SEMA5B: variants seen among roughly 807,000 people sequenced by gnomAD.
SEMA5B encodes the protein semaphorin-5B.
A neutral mutation model predicts 135.0 loss-of-function variants in SEMA5B; 66 were observed. The observed-to-expected ratio is 0.49, with a 90% CI of 0.40 to 0.60. SEMA5B has a LOEUF of 0.60. Among genes scored for constraint, SEMA5B ranks in the 20% least tolerant of loss-of-function variants. The probability of loss-of-function intolerance (pLI) is 0.00; values close to 1 mark genes in which losing one functional copy is unlikely to be tolerated. For synonymous variants in SEMA5B, 690 were observed against 639.5 expected, an observed-to-expected ratio of 1.08 and a Z score of -1.19; for missense variants, 1,501 against 1,566.3, an observed-to-expected ratio of 0.96 and a Z score of 0.70.
Position 122,911,522 on chromosome 3 carries a change from G to A in SEMA5B, c.3060C>T (p.Ala1020=), listed in dbSNP as rs772299751. The part of the protein sequence containing the change: ...PYSEIPVILP[A]SSMEEATDCA... Reference sequence around the variant, plus strand: ...AGTCGGTGGCCTCCTCCATGCTGGAGGCTGGCAGGATGACTGCAGGAAGAC... The same window carrying A: ...AGTCGGTGGCCTCCTCCATGCTGGAAGCTGGCAGGATGACTGCAGGAAGAC... Residue 1020 remains alanine, a synonymous_variant, in exon 21 of 23, where the codon GCC becomes GCT. Transcript: ENST00000357599. 6.0e-5 allele frequency: 97 copies of A among 1,610,344 alleles called. No individual in the cohort carries two copies. In the East Asian group the frequency reaches 1.7e-3, roughly 28 times the overall value.
chr3:122,948,688 G>C lies in SEMA5B; in HGVS notation c.146C>G (p.Pro49Arg), dbSNP rs780593270. 6.2e-7 allele frequency: 1 copy of C among 1,605,772 alleles called. No homozygotes were observed. Among genetic ancestry groups the C allele is most frequent in the South Asian group, 1.1e-5 (1 of 90,436 alleles). The change falls in exon 3 of 23, where the codon CCC becomes CGC. Residue 49 changes from proline to arginine, a missense_variant. Coordinates refer to ENST00000357599, the MANE Select transcript of SEMA5B (RefSeq NM_001031702.4). ...AGGCCCCTCTGCAGTCCTAGCTCCG[G>C]GAGGCAGACAGGGGAGAAGACCTGC... Reference protein sequence around the residue: ...LVRGLLPCLPPGARTAEGPIM... With the variant: ...LVRGLLPCLPRGARTAEGPIM...
At chr3:122,911,372 G>A in intron 21 of SEMA5B, 119 bp downstream of exon 21, 1 of 1,550,980 alleles carries the variant, frequency 6.4e-7, no homozygotes, top group Non-Finnish European at 8.7e-7. Context: ...TCTCAAAGCA[G>A]TGGGGACCCC....
intron 1 of SEMA5B, among the ~76,000 whole-genome samples, chr3:122,997,799 G>A (rs977762325): frequency 2.6e-5 from 4 of 152,036 alleles, no homozygotes; most frequent in East Asian, 1.9e-4. Context: ...GAAGCTCATC[G>A]GCCTGAGGCC....
rs141351636 is a variant in SEMA5B at position 122,915,612 on chromosome 3, C to T, written c.1816G>A (p.Val606Met). 63 of 1,611,652 alleles carry T rather than the reference C, an allele frequency of 3.9e-5. No homozygotes were observed. The African/African-American group carries it at 5.3e-4, about 14-fold the overall frequency. The change falls in exon 14 of 23, where the codon GTG becomes ATG. Residue 606 changes from valine (V) to methionine (M), a missense_variant. By Grantham distance (21) the Val-to-Met change is conservative. Transcript: ENST00000357599. ...GGGCCGAAGCCCCCATCCCGTGTCA[C>T]ATTCCGCACCTGAAGACACACATGG... ...QNITACPVRNVTRDGGFGPWS... is the reference protein window; with the variant it reads ...QNITACPVRNMTRDGGFGPWS...
At chr3:122,932,438 A>C (rs1196059566) in intron 5 of SEMA5B, among the ~76,000 whole-genome samples, 1 of 151,924 alleles carries the variant, frequency 6.6e-6, no homozygotes, top group East Asian at 1.9e-4. Flanking sequence ...TCGGGCTGTG[A>C]GAAACATCCT....
intron 1 of SEMA5B, among the ~76,000 whole-genome samples, chr3:122,982,208 G>A (rs746349928): frequency 6.6e-6 from 1 of 152,220 alleles, no homozygotes. Context: ...TTTCCCATGT[G>A]GAGGATTTCC....
At chr3:123,003,716 G>T (rs1452741197) in intron 1 of SEMA5B, among the ~76,000 whole-genome samples, 1 of 152,128 alleles carries the variant, frequency 6.6e-6, no homozygotes, top group East Asian at 1.9e-4. Flanking sequence ...CGCCTGTAAT[G>T]CCAGCCACTC....
chr3:123,003,099 T>C (rs2107764848), intron 1 of SEMA5B, among the ~76,000 whole-genome samples: 1 of 151,774 alleles, frequency 6.6e-6, no homozygotes, highest in East Asian at 2.0e-4. Context: ...TTCAAGTCAA[T>C]TTAAGTTTTT....
intron 2 of SEMA5B, among the ~76,000 whole-genome samples, chr3:122,960,668 C>T (rs1421307332): frequency 6.6e-6 from 1 of 152,244 alleles, no homozygotes; most frequent in African/African-American, 2.4e-5. Context: ...CTGACACATG[C>T]TACAACATGG....
chr3:122,953,758 AC>A (rs1364571724), intron 2 of SEMA5B, among the ~76,000 whole-genome samples: 5 of 152,168 alleles, frequency 3.3e-5, no homozygotes, highest in African/African-American at 1.2e-4. Context: ...ATGGGGTCTG[AC>A]TTTTCGAGGC....
chr3:122,951,278 A>G (rs1458774832), intron 2 of SEMA5B, among the ~76,000 whole-genome samples: 1 of 152,226 alleles, frequency 6.6e-6, no homozygotes, highest in African/African-American at 2.4e-5. Flanking sequence ...ATGTATTTAT[A>G]TTTGCTTATA....
chr3:122,955,939 G>C (rs1354352488), intron 2 of SEMA5B, among the ~76,000 whole-genome samples: 1 of 152,218 alleles, frequency 6.6e-6, no homozygotes, highest in Non-Finnish European at 1.5e-5. Context: ...GGAGGAGGGA[G>C]GTTCACAAGA....
intron 1 of SEMA5B, among the ~76,000 whole-genome samples, chr3:123,004,483 T>C (rs1409328323): frequency 6.6e-6 from 1 of 152,240 alleles, no homozygotes; most frequent in Non-Finnish European, 1.5e-5. Flanking sequence ...ACATTTATGC[T>C]TGCATTACTC....
chr3:122,929,429 T>G (rs1413159721), intron 5 of SEMA5B, among the ~76,000 whole-genome samples: 3 of 152,212 alleles, frequency 2.0e-5, no homozygotes, highest in Non-Finnish European at 4.4e-5. Context: ...GGGTGGGGAA[T>G]GCGCCTATTC....
At chr3:122,927,688 C>T in intron 8 of SEMA5B, 102 bp downstream of exon 8, 1 of 852,172 alleles carries the variant, frequency 1.2e-6, no homozygotes. Context: ...AGTGGGAGCA[C>T]TTGCAGAGGT....
intron 7 of SEMA5B, 53 bp from the exon 8 acceptor site, chr3:122,928,056 T>C: frequency 7.6e-7 from 1 of 1,319,830 alleles, no homozygotes; most frequent in Non-Finnish European, 1.0e-6. Flanking sequence ...TGGGGCTGCC[T>C]GTTCTTTCCA....
At chr3:122,955,989 A>C (rs906411936) in intron 2 of SEMA5B, among the ~76,000 whole-genome samples, 1 of 152,194 alleles carries the variant, frequency 6.6e-6, no homozygotes, top group Admixed American at 6.5e-5. Context: ...TTACAGTCTA[A>C]AAGAGGAGAG....
chr3:122,936,994 T>C (rs1939323956), intron 5 of SEMA5B, among the ~76,000 whole-genome samples: 1 of 152,278 alleles, frequency 6.6e-6, no homozygotes, highest in South Asian at 2.1e-4. Flanking sequence ...TTTCTTTACG[T>C]AATGTTAATT....
At chr3:122,925,961 A>G (rs780993318) in intron 9 of SEMA5B, among the ~76,000 whole-genome samples, 20 of 152,224 alleles carry the variant, frequency 1.3e-4, no homozygotes, top group Non-Finnish European at 2.5e-4. Context: ...CACAGTCTAG[A>G]TGGGAGGTGA....
Sources: gnomAD v4.1 joint callset for allele counts (sites outside exome capture counted in the v4.1 genomes callset) on GRCh38, gnomAD v4.1.1 for gene constraint, MANE v1.5 for transcripts, NCBI Gene and HGNC (gene_info 2026-07-23, HGNC 2026-07-21) for gene names.